Variants in MTRR observed in about 807,000 individuals in gnomAD.
MTRR encodes methionine synthase reductase.
Under a neutral mutation model 79.2 loss-of-function variants are expected in MTRR, and 63 were observed. That is an observed-to-expected ratio of 0.80 (90% CI 0.65 to 0.98). The LOEUF is 0.98. Among genes scored for constraint, MTRR ranks in the 50% least tolerant of loss-of-function variants. The pLI, the probability that MTRR is intolerant of heterozygous loss-of-function variation, is 0.00. For missense variants in MTRR, 895 were observed against 839.6 expected (o/e 1.07, Z -0.82); for synonymous variants, 355 against 313.3 (o/e 1.13, Z -1.41).
intron 4 of MTRR, among the ~76,000 whole-genome samples, 194 bp from the exon 5 acceptor site, chr5:7,877,750 G>T (rs937762629): frequency 2.0e-5 from 3 of 151,678 alleles, no homozygotes; most frequent in Non-Finnish European, 4.4e-5. Flanking sequence ...TTTCAGCTAC[G>T]GTGCTAATGA....
chr5:7,880,485 G>T (rs957733121), intron 5 of MTRR, among the ~76,000 whole-genome samples: 1 of 152,184 alleles, frequency 6.6e-6, no homozygotes, highest in African/African-American at 2.4e-5. Flanking sequence ...TTTCTTGTTT[G>T]AGTTTCCAGT....
At chr5:7,867,790 C>T, upstream of MTRR, 1 of 1,614,178 alleles carries the variant, frequency 6.2e-7, no homozygotes, top group Non-Finnish European at 8.5e-7. Flanking sequence ...ACATCTGACT[C>T]TCCTCATTTT....
chr5:7,859,616 G>A (rs7727993), intron 1 of MTRR: 1 of 914,510 alleles, frequency 1.1e-6, no homozygotes, highest in Admixed American at 2.5e-5. Flanking sequence ...TACTTTGTTT[G>A]TTTCTTACAC....
At chr5:7,870,464 C>A (rs1228695931) in intron 1 of MTRR, 1 of 379,402 alleles carries the variant, frequency 2.6e-6, no homozygotes, top group African/African-American at 2.1e-5. Context: ...AGCTGTGGTA[C>A]GGATCATTTG....
At chr5:7,872,305 A>G (rs1748132385) in intron 2 of MTRR, 1 of 431,412 alleles carries the variant, frequency 2.3e-6, no homozygotes, top group African/African-American at 2.1e-5. Context: ...GAGTCTTACA[A>G]GTAAGACAAG....
chr5:7,851,211 ACCCTCCCCTCCT>A, exon 1 of MTRR: 1 of 554,018 alleles, frequency 1.8e-6, no homozygotes, highest in South Asian at 9.8e-5. Context: ...GGGTGGAGCG[ACCCTCCCCTCCT>A]CCCTCCCGGC....
intron 11 of MTRR, among the ~76,000 whole-genome samples, chr5:7,894,107 TC>T (rs960054136): frequency 6.6e-6 from 1 of 152,144 alleles, no homozygotes; most frequent in African/African-American, 2.4e-5. Flanking sequence ...CTTTCCTCCC[TC>T]CCTCTCTTCG....
At position 7,869,187 on chromosome 5, in the gene MTRR, C is replaced by A. The variant is rs1325271336; in HGVS notation, c.-54C>A. 5 of 1,610,794 alleles carry A rather than the reference C, an allele frequency of 3.1e-6. No homozygotes were observed. The highest frequency in any genetic ancestry group is 4.2e-6 in the Non-Finnish European group (5 of 1,179,822). On this transcript the variant is annotated 5_prime_UTR_variant, in exon 1 of 15. Coordinates refer to ENST00000440940, the MANE Select transcript of MTRR (RefSeq NM_002454.3). ...CAAGGTTGGTGGAAGTCGCGTTGTG[C>A]AGGTTCGTGCCCGGCTGGCGCGGCG... is the stretch of plus-strand genomic sequence containing the variant.
At chr5:7,883,445 G>T (rs1480128069) in intron 6 of MTRR, among the ~76,000 whole-genome samples, 168 bp downstream of exon 6, 2 of 141,024 alleles carry the variant, frequency 1.4e-5, no homozygotes, top group Non-Finnish European at 3.1e-5. Flanking sequence ...GGTTACATAT[G>T]CTGAGTTGTG....
intron 1 of MTRR, chr5:7,859,501 A>G: frequency 6.2e-7 from 1 of 1,606,202 alleles, no homozygotes. Context: ...CCACCAATTC[A>G]CGTCTTGATT....
At chr5:7,882,265 A>T (rs187497040) in intron 5 of MTRR, among the ~76,000 whole-genome samples, 1 of 152,318 alleles carries the variant, frequency 6.6e-6, no homozygotes, top group Admixed American at 6.5e-5. Context: ...GTAGTCTTTG[A>T]TGAGACATTG....
At chr5:7,896,690 G>T in intron 12 of MTRR, 174 bp from the exon 13 acceptor site, 1 of 642,532 alleles carries the variant, frequency 1.6e-6, no homozygotes. Context: ...GCATCTGCTC[G>T]AGTGGCCATG....
intron 8 of MTRR, among the ~76,000 whole-genome samples, chr5:7,887,578 A>G (rs1206930004): frequency 7.0e-6 from 1 of 143,318 alleles, no homozygotes; most frequent in Non-Finnish European, 1.6e-5. Context: ...ATATATATAT[A>G]TATTCCATCT....
intron 5 of MTRR, among the ~76,000 whole-genome samples, chr5:7,882,891 A>C (rs1288960434): frequency 1.3e-5 from 2 of 152,238 alleles, no homozygotes; most frequent in African/African-American, 4.8e-5. Context: ...AAACTACTAG[A>C]TCTTTACATG....
At chr5:7,851,202 G>C in exon 1 of MTRR, 4 of 636,742 alleles carry the variant, frequency 6.3e-6, no homozygotes, top group South Asian at 8.4e-5. Context: ...CCCGCTCCAG[G>C]GTGGAGCGAC....
chr5:7,860,552 ATTCTGTAT>A (rs760040598), intron 1 of MTRR, among the ~76,000 whole-genome samples: 1 of 152,196 alleles, frequency 6.6e-6, no homozygotes, highest in Admixed American at 6.5e-5. Context: ...AGCTCTGAAA[ATTCTGTAT>A]TTCAAAATAT....
At chr5:7,895,010 TC>T (rs1266657264) in intron 11 of MTRR, among the ~76,000 whole-genome samples, 1 of 152,198 alleles carries the variant, frequency 6.6e-6, no homozygotes, top group East Asian at 1.9e-4. Context: ...CGTCATTACT[TC>T]CTACAGTCGT....
upstream of MTRR, chr5:7,867,560 T>G: frequency 6.2e-7 from 1 of 1,614,240 alleles, no homozygotes; most frequent in Non-Finnish European, 8.5e-7. Flanking sequence ...TAAACTAGTG[T>G]TTGACAGCTG....
intron 2 of MTRR, chr5:7,862,980 A>C (rs768521285): frequency 6.2e-7 from 1 of 1,613,820 alleles, no homozygotes. Context: ...CTTGATATTT[A>C]GGAAGGAGTT....
Sources: allele counts gnomAD v4.1 joint callset (sites outside exome capture counted in the v4.1 genomes callset), GRCh38; gene constraint gnomAD v4.1.1; transcripts MANE v1.5; gene names NCBI Gene and HGNC (gene_info 2026-07-23, HGNC 2026-07-21).